KCNIP1: variants seen among roughly 807,000 people sequenced by gnomAD.
The protein encoded by KCNIP1 is potassium voltage-gated channel interacting protein 1, also known as A-type potassium channel modulatory protein KCNIP1.
A neutral mutation model predicts 33.0 loss-of-function variants in KCNIP1; 18 were observed. The observed-to-expected ratio is 0.55, with a 90% CI of 0.38 to 0.81. The LOEUF (loss-of-function observed/expected upper bound fraction) is 0.81, where lower values mean the gene tolerates loss of function less well. Among genes scored for constraint, KCNIP1 ranks in the 30% least tolerant of loss-of-function variants. The pLI, the probability that KCNIP1 is intolerant of heterozygous loss-of-function variation, is 0.00. For synonymous variants in KCNIP1, 93 were observed against 98.3 expected (o/e 0.95, Z 0.32); for missense variants, 238 against 271.6 (o/e 0.88, Z 0.87).
intron 1 of KCNIP1, among the ~76,000 whole-genome samples, chr5:170,596,597 G>A (rs559592171): frequency 3.3e-5 from 5 of 152,184 alleles, no homozygotes; most frequent in South Asian, 4.1e-4. Flanking sequence ...AGCCAGGAGC[G>A]CCAGCTCTGC....
chr5:170,380,314 T>C (rs1764188747), intron 1 of KCNIP1, among the ~76,000 whole-genome samples: 2 of 152,198 alleles, frequency 1.3e-5, no homozygotes, highest in African/African-American at 4.8e-5. Flanking sequence ...CCCTACCCAC[T>C]CTGCATCACT....
intron 1 of KCNIP1, among the ~76,000 whole-genome samples, chr5:170,611,738 A>G (rs995738308): frequency 2.0e-5 from 3 of 152,118 alleles, no homozygotes; most frequent in Non-Finnish European, 4.4e-5. Flanking sequence ...GGAACTTTGG[A>G]GTCAGGCCTG....
chr5:170,732,363 C>T (rs1033126946), intron 5 of KCNIP1, among the ~76,000 whole-genome samples: 1 of 152,154 alleles, frequency 6.6e-6, no homozygotes, highest in African/African-American at 2.4e-5. Context: ...GAACTATTGG[C>T]CTCATGTGCC....
chr5:170,511,035 C>A (rs571496130), intron 1 of KCNIP1, among the ~76,000 whole-genome samples: 1 of 152,022 alleles, frequency 6.6e-6, no homozygotes, highest in Non-Finnish European at 1.5e-5. Flanking sequence ...ATGGTGAAAC[C>A]CCATCTCTAC....
intron 1 of KCNIP1, among the ~76,000 whole-genome samples, chr5:170,617,017 C>T (rs545151778): frequency 6.6e-6 from 1 of 152,134 alleles, no homozygotes; most frequent in South Asian, 2.1e-4. Flanking sequence ...CTGTCGCCTC[C>T]ACCAAGCAGC....
chr5:170,501,527 G>A (rs576777026), upstream of KCNIP1, among the ~76,000 whole-genome samples: 14 of 152,322 alleles, frequency 9.2e-5, no homozygotes, highest in Admixed American at 3.3e-4. Context: ...TTGCAAACAC[G>A]TCCAGAAGCA....
intron 1 of KCNIP1, among the ~76,000 whole-genome samples, chr5:170,675,423 C>T (rs1465383653): frequency 2.0e-5 from 3 of 152,070 alleles, no homozygotes; most frequent in African/African-American, 7.2e-5. Flanking sequence ...ATCAAGACCA[C>T]CCTGGCCAAC....
intron 1 of KCNIP1, among the ~76,000 whole-genome samples, chr5:170,630,147 G>A (rs996101229): frequency 2.0e-5 from 3 of 151,946 alleles, no homozygotes; most frequent in South Asian, 2.1e-4. Context: ...ATGCCAACTC[G>A]AGGGATACAG....
rs368833558 is a variant in KCNIP1, at chr5:170,468,564, T to G, written c.88+114600T>G. ...AAGAGCTGCTCTTGAGGGCATCTAA[T>G]TAATAGTTTTTTTATTATTTAAAAA... On this transcript the variant is annotated intron_variant, in intron 1 of 7. Coordinates refer to the KCNIP1 transcript ENST00000377360. Among the ~76,000 whole-genome samples the G allele has an allele frequency of 5.6e-4, 86 of 152,292 alleles. 2 individuals are homozygous for G. In the South Asian group the frequency reaches 0.017, roughly 29 times the overall value.
chr5:170,614,871 C>A (rs868114148), intron 1 of KCNIP1, among the ~76,000 whole-genome samples: 6 of 152,226 alleles, frequency 3.9e-5, no homozygotes, highest in South Asian at 4.1e-4. Context: ...GTTGTTTACA[C>A]CCCCTCTCAG....
intron 1 of KCNIP1, among the ~76,000 whole-genome samples, chr5:170,534,160 T>C (rs905156585): frequency 6.6e-6 from 1 of 152,168 alleles, no homozygotes; most frequent in Non-Finnish European, 1.5e-5. Context: ...CAGGATACTT[T>C]TATAAAGAGG....
At chr5:170,409,715 A>T (rs1194654496) in intron 1 of KCNIP1, among the ~76,000 whole-genome samples, 6 of 152,186 alleles carry the variant, frequency 3.9e-5, no homozygotes. Context: ...AGGGTGTCTT[A>T]TGCCAGTTCT....
At chr5:170,696,016 C>CAAAAAAAAA (rs34474795) in intron 1 of KCNIP1, among the ~76,000 whole-genome samples, 1 of 93,962 alleles carries the variant, frequency 1.1e-5, no homozygotes, top group African/African-American at 3.7e-5. Context: ...GACTCTGTCT[C>CAAAAAAAAA]AAAAAAAAAA....
intron 1 of KCNIP1, among the ~76,000 whole-genome samples, chr5:170,561,610 G>A (rs961257590): frequency 6.6e-6 from 1 of 152,200 alleles, no homozygotes; most frequent in African/African-American, 2.4e-5. Flanking sequence ...TGCCTCTGTG[G>A]TTGATCACCC....
intron 1 of KCNIP1, among the ~76,000 whole-genome samples, chr5:170,520,330 C>T (rs141660502): frequency 8.5e-4 from 129 of 152,088 alleles, no homozygotes; most frequent in African/African-American, 2.9e-3. Flanking sequence ...AACCCAGGCC[C>T]GTCTGTGCCC....
At position 170,370,338 on chromosome 5, in the gene KCNIP1, AC is replaced by A. The variant is rs1357498368; in HGVS notation, c.88+16375del. Among the ~76,000 whole-genome samples the A allele has an allele frequency of 3.9e-5, 6 of 152,364 alleles. No individual in the cohort carries two copies. In the East Asian group the frequency reaches 1.2e-3, roughly 29 times the overall value. On this transcript the variant is annotated intron_variant, in intron 1 of 7. Transcript: ENST00000377360. ...TTGATGATACAATGCACCCTGTAAA[AC>A]AAACACTGTGAGGCTCACTTTCCAA...
chr5:170,630,502 G>A (rs553622034), intron 1 of KCNIP1, among the ~76,000 whole-genome samples: 5 of 152,218 alleles, frequency 3.3e-5, no homozygotes, highest in South Asian at 2.1e-4. Context: ...TCGTTATGTC[G>A]CTGGAGCCCA....
intron 1 of KCNIP1, among the ~76,000 whole-genome samples, chr5:170,506,802 T>G (rs1228708251): frequency 6.6e-6 from 1 of 152,206 alleles, no homozygotes; most frequent in Non-Finnish European, 1.5e-5. Context: ...CAGCCCTTCC[T>G]GCACAAAGCC....
chr5:170,504,192 G>T lies in KCNIP1; in HGVS notation c.-381G>T, dbSNP rs1218131066. 9.8e-7 allele frequency: 1 copy of T among 1,025,168 alleles called. No individual in the cohort carries two copies. Among genetic ancestry groups the T allele is most frequent in the East Asian group, 8.4e-5 (1 of 11,900 alleles). 63.5% of individuals were successfully genotyped at this position (1,025,168 alleles called of 1,614,324 possible). A position where few individuals can be genotyped will look rare whatever the true frequency, so the allele number is the denominator to read the frequency against. On this transcript the variant is annotated 5_prime_UTR_variant, in exon 1 of 8. Transcript: ENST00000328939. This position sits in a 1 kb window ranked among gnomAD's most constrained non-coding sequence, Gnocchi z 6.0. ...GCGGCAGGAGGGGCGGGCGGACGGC[G>T]GCTCCCGCACCGCACGCGGCGCTGG...
Sources: gnomAD v4.1 joint callset for allele counts (sites outside exome capture counted in the v4.1 genomes callset) on GRCh38, gnomAD v4.1.1 for gene constraint, Gnocchi (gnomAD v3.1) non-coding constraint, MANE v1.5 for transcripts, NCBI Gene and HGNC (gene_info 2026-07-23, HGNC 2026-07-21) for gene names.